The following IQCH variants were observed in gnomAD, a reference collection of about 807,000 sequenced individuals.
The protein encoded by IQCH is IQ domain-containing protein H.
IQCH carries 98 observed loss-of-function variants against 117.0 expected under a neutral mutation model. The observed-to-expected ratio is 0.84, with a 90% CI of 0.71 to 0.99. IQCH has a LOEUF of 0.99. IQCH is among the 50% of genes least tolerant of loss of function. The pLI is 0.00. For missense variants in IQCH, 1,102 were observed against 1,243.8 expected (o/e 0.89, Z 1.72); for synonymous variants, 412 against 448.2 (o/e 0.92, Z 1.02).
At chr15:67,344,946 A>G (rs937043554) in intron 6 of IQCH, among the ~76,000 whole-genome samples, 4 of 152,182 alleles carry the variant, frequency 2.6e-5, no homozygotes, top group Admixed American at 6.6e-5. Context: ...TAGGGTGAGA[A>G]GTGACAAATC....
At chr15:67,349,425 C>T (rs1265486977) in intron 6 of IQCH, among the ~76,000 whole-genome samples, 1 of 152,078 alleles carries the variant, frequency 6.6e-6, no homozygotes, top group Non-Finnish European at 1.5e-5. Context: ...TTGAGACCAA[C>T]CTGGCCAACA....
Position 67,465,806 on chromosome 15 carries a change from C to T in IQCH, c.2676+509C>T, listed in dbSNP as rs565147213. Among the ~76,000 whole-genome samples, 136 of 152,252 alleles carry T rather than the reference C, an allele frequency of 8.9e-4. 3 individuals carry two copies. In the South Asian group the frequency reaches 0.02, roughly 23 times the overall value. On this transcript the variant is annotated intron_variant, in intron 17 of 20. Coordinates refer to ENST00000335894, the MANE Select transcript of IQCH (RefSeq NM_001031715.3). This position sits in a 1 kb window ranked among gnomAD's most constrained non-coding sequence, Gnocchi z 5.9. ...CCCCACATCCAGTCAGCAAGCAGGG[C>T]GTGTTGAGTCTAGCTACGAAAATGC...
intron 10 of IQCH, among the ~76,000 whole-genome samples, chr15:67,379,831 T>C (rs559956649): frequency 6.6e-6 from 1 of 152,266 alleles, no homozygotes; most frequent in Admixed American, 6.5e-5. Flanking sequence ...CAAATAAACC[T>C]TTTTTCTTCA....
At chr15:67,280,975 A>G (rs1966330616) in intron 4 of IQCH, among the ~76,000 whole-genome samples, 1 of 151,878 alleles carries the variant, frequency 6.6e-6, no homozygotes, top group Admixed American at 6.6e-5. Context: ...CCTCCCAAGT[A>G]GTTGGGATTA....
At position 67,254,910 on chromosome 15, in the gene IQCH, C is replaced by G. The variant is rs1965062755; in HGVS notation, c.14C>G (p.Thr5Ser). The change falls in exon 1 of 21, where the codon ACT becomes AGT. Residue 5 changes from threonine (T) to serine (S), a missense_variant. Around this residue, in one of 2 missense-constraint regions of IQCH, gnomAD observed 452 missense variants for 449.6 expected, o/e 1.01. Transcript: ENST00000335894. MAQNTENHDPVGSIL... is the reference protein window; with the variant it reads MAQNSENHDPVGSIL... ...CCTGACCTAGCCATGGCACAGAACA[C>G]TGAAAACCACGACCCTGTCGGATCC... 6.2e-6 allele frequency: 10 copies of G among 1,613,756 alleles called. No individual in the cohort carries two copies. The highest frequency in any genetic ancestry group is 1.3e-5 in the African/African-American group (1 of 74,940).
intron 13 of IQCH, among the ~76,000 whole-genome samples, chr15:67,399,505 G>T (rs1400218126): frequency 6.6e-6 from 1 of 152,120 alleles, no homozygotes; most frequent in African/African-American, 2.4e-5. Flanking sequence ...GTGTATTCCA[G>T]GAAGTTTGCT....
intron 15 of IQCH, among the ~76,000 whole-genome samples, chr15:67,418,846 G>A (rs1384083360): frequency 2.0e-5 from 3 of 151,868 alleles, no homozygotes; most frequent in Non-Finnish European, 4.4e-5. Context: ...CCGAAGTGCT[G>A]GGATTACAGG....
chr15:67,372,051 C>T, intron 8 of IQCH, 60 bp from the exon 9 acceptor site: 1 of 1,391,944 alleles, frequency 7.2e-7, no homozygotes, highest in Admixed American at 2.2e-5. Flanking sequence ...GTCTTGACCA[C>T]TCATTTAAAG....
At chr15:67,489,851 C>A in intron 18 of IQCH, 152 bp from the exon 19 acceptor site, 1 of 682,482 alleles carries the variant, frequency 1.5e-6, no homozygotes, top group Non-Finnish European at 2.6e-6. Flanking sequence ...ATTCTAGAGG[C>A]AGCCTTTCCA....
At chr15:67,455,507 T>C (rs1378375148) in intron 16 of IQCH, among the ~76,000 whole-genome samples, 2 of 152,212 alleles carry the variant, frequency 1.3e-5, no homozygotes, top group Non-Finnish European at 2.9e-5. Context: ...AATTCTGGTT[T>C]CCTGGAAATG....
rs1490253411 is a variant in IQCH at position 67,478,229 on chromosome 15, AC to A, written c.2799+2412del. ...GTGAAACTCCGTCTCTACTGAAAAT[AC>A]AAAAATTAGCTGGGCGTGGTGGCAT... On this transcript the variant is annotated intron_variant, in intron 18 of 20. Coordinates refer to ENST00000335894, the MANE Select transcript of IQCH (RefSeq NM_001031715.3). Among the ~76,000 whole-genome samples, 6 of 152,274 alleles carry A rather than the reference AC, an allele frequency of 3.9e-5. No individual in the cohort carries two copies. In the East Asian group the frequency reaches 1.2e-3, roughly 29 times the overall value.
chr15:67,340,138 T>G (rs1969078782), intron 5 of IQCH, among the ~76,000 whole-genome samples: 1 of 151,992 alleles, frequency 6.6e-6, no homozygotes, highest in Non-Finnish European at 1.5e-5. Flanking sequence ...TCTTTAAAAG[T>G]GACTCGTCGG....
At chr15:67,275,681 C>T (rs1422688586) in intron 3 of IQCH, among the ~76,000 whole-genome samples, 1 of 151,952 alleles carries the variant, frequency 6.6e-6, no homozygotes, top group Non-Finnish European at 1.5e-5. Flanking sequence ...TGTTTGAGAC[C>T]AGCCTGGGCA....
intron 1 of IQCH, among the ~76,000 whole-genome samples, chr15:67,257,626 G>C (rs1039380415): frequency 1.3e-5 from 2 of 152,094 alleles, no homozygotes; most frequent in Non-Finnish European, 2.9e-5. Context: ...AGTGACTCTG[G>C]GAAGTTTCCA....
chr15:67,469,466 G>A (rs560956924), intron 17 of IQCH, among the ~76,000 whole-genome samples: 2 of 152,168 alleles, frequency 1.3e-5, no homozygotes, highest in South Asian at 4.1e-4. Context: ...TACAGCCTTC[G>A]CTTAAAAGGT....
intron 13 of IQCH, among the ~76,000 whole-genome samples, chr15:67,397,491 A>G (rs1310633998): frequency 6.6e-6 from 1 of 152,218 alleles, no homozygotes; most frequent in African/African-American, 2.4e-5. Context: ...TGAGGTCATC[A>G]AGAATTAAAA....
chr15:67,373,345 C>G (rs200216917), intron 9 of IQCH, 22 bp from the exon 10 acceptor site: 13 of 1,579,992 alleles, frequency 8.2e-6, no homozygotes, highest in African/African-American at 1.3e-5. Flanking sequence ...TGTCACTGAT[C>G]AATGCTCTTC....
rs565833139 is a variant in IQCH, at chr15:67,328,324, C to T, written c.388-8651C>T. 1.6e-4 allele frequency among the ~76,000 whole-genome samples: 24 copies of T among 152,194 alleles called. No homozygotes were observed. The South Asian group carries it at 3.3e-3, about 21-fold the overall frequency. On this transcript the variant is annotated intron_variant, in intron 4 of 20. Coordinates refer to ENST00000335894, the MANE Select transcript of IQCH (RefSeq NM_001031715.3). ...AATATGTTCATTTTAATTGCTCCTT[C>T]CCGGAAAGTCTTAAGTGATTATTTT...
chr15:67,296,510 T>C (rs1321276744), intron 4 of IQCH, among the ~76,000 whole-genome samples: 3 of 152,068 alleles, frequency 2.0e-5, no homozygotes, highest in African/African-American at 7.2e-5. Flanking sequence ...CGTATTGGAT[T>C]CAGTGATTAG....
Sources: allele counts gnomAD v4.1 joint callset (sites outside exome capture counted in the v4.1 genomes callset), GRCh38; gene constraint gnomAD v4.1.1; regional missense constraint gnomAD v4.1.1; non-coding constraint Gnocchi (gnomAD v3.1); transcripts MANE v1.5; gene names NCBI Gene and HGNC (gene_info 2026-07-23, HGNC 2026-07-21).